Variants in SLCO6A1 observed in about 807,000 individuals in gnomAD.
SLCO6A1 encodes the protein solute carrier organic anion transporter family member 6A1, also known as cancer/testis antigen 48.
SLCO6A1 carries 65 observed loss-of-function variants against 72.7 expected under a neutral mutation model. That is an observed-to-expected ratio of 0.89 (90% CI 0.73 to 1.10). The LOEUF (loss-of-function observed/expected upper bound fraction) is 1.10, where lower values mean the gene tolerates loss of function less well. Among genes scored for constraint, SLCO6A1 ranks in the 50% least tolerant of loss-of-function variants. The probability of loss-of-function intolerance (pLI) is 0.00; values close to 1 mark genes in which losing one functional copy is unlikely to be tolerated. For missense variants in SLCO6A1, 874 were observed against 872.6 expected, an observed-to-expected ratio of 1.00 and a Z score of -0.02; for synonymous variants, 314 against 298.2, an observed-to-expected ratio of 1.05 and a Z score of -0.55.
At position 102,452,376 on chromosome 5, in the gene SLCO6A1, T is replaced by A. The variant is rs563847119; in HGVS notation, c.1131+6006A>T. Among the ~76,000 whole-genome samples, 17 of 152,246 alleles carry A rather than the reference T, an allele frequency of 1.1e-4. 2 individuals are homozygous for A. The South Asian group carries it at 3.3e-3, about 30-fold the overall frequency. On this transcript the variant is annotated intron_variant, in intron 6 of 13. Transcript: ENST00000506729. ...AAACTTTATGTTTTTATTCTTTTTT[T>A]AAATATTTCTAATCCATTTTATTCT...
intron 10 of SLCO6A1, among the ~76,000 whole-genome samples, chr5:102,398,141 T>C (rs986727961): frequency 6.6e-6 from 1 of 152,198 alleles, no homozygotes; most frequent in Non-Finnish European, 1.5e-5. Flanking sequence ...CATAGATTTC[T>C]CCATATTTTG....
At chr5:102,408,913 A>G (rs374747497) in intron 9 of SLCO6A1, among the ~76,000 whole-genome samples, 1 of 152,302 alleles carries the variant, frequency 6.6e-6, no homozygotes, top group East Asian at 1.9e-4. Context: ...ATAATCCTTA[A>G]TCCTTTGGAT....
chr5:102,437,229 C>G (rs1410047918), intron 7 of SLCO6A1, among the ~76,000 whole-genome samples: 2 of 152,156 alleles, frequency 1.3e-5, no homozygotes, highest in African/African-American at 4.8e-5. Context: ...TACTGATCAA[C>G]ATTATTACAG....
chr5:102,456,430 G>A (rs1412010168), intron 6 of SLCO6A1, among the ~76,000 whole-genome samples: 1 of 152,022 alleles, frequency 6.6e-6, no homozygotes, highest in African/African-American at 2.4e-5. Flanking sequence ...AAATCAATGT[G>A]CAAAAATCAC....
At chr5:102,492,689 A>C (rs935248161) in intron 1 of SLCO6A1, among the ~76,000 whole-genome samples, 2 of 152,168 alleles carry the variant, frequency 1.3e-5, no homozygotes, top group African/African-American at 2.4e-5. Context: ...CTCCCACCCT[A>C]ATACTGCGCT....
intron 9 of SLCO6A1, among the ~76,000 whole-genome samples, chr5:102,406,734 G>A (rs1289657531): frequency 6.6e-6 from 1 of 151,994 alleles, no homozygotes; most frequent in Non-Finnish European, 1.5e-5. Flanking sequence ...TTTCACCAGA[G>A]ATTTGTATTC....
intron 7 of SLCO6A1, among the ~76,000 whole-genome samples, chr5:102,430,120 T>C (rs969974740): frequency 2.0e-5 from 3 of 152,190 alleles, no homozygotes; most frequent in African/African-American, 4.8e-5. Context: ...TGTTGGTGTA[T>C]AGAAATATTA....
At chr5:102,452,532 A>G (rs952018514) in intron 6 of SLCO6A1, among the ~76,000 whole-genome samples, 6 of 152,202 alleles carry the variant, frequency 3.9e-5, no homozygotes, top group Non-Finnish European at 7.4e-5. Context: ...AATGTTAAAT[A>G]TTTTGTATTT....
intron 4 of SLCO6A1, among the ~76,000 whole-genome samples, chr5:102,468,438 C>T (rs553865966): frequency 2.2e-4 from 34 of 151,962 alleles, no homozygotes; most frequent in African/African-American, 8.2e-4. Context: ...GTACTGAAGT[C>T]CCCACTATTA....
chr5:102,490,543 G>A (rs528641989), intron 1 of SLCO6A1, among the ~76,000 whole-genome samples: 4 of 152,304 alleles, frequency 2.6e-5, no homozygotes, highest in Admixed American at 2.6e-4. Context: ...TGGTCTCACT[G>A]ACTACAAGAA....
chr5:102,411,558 C>T (rs1747982351), intron 9 of SLCO6A1, among the ~76,000 whole-genome samples: 1 of 151,948 alleles, frequency 6.6e-6, no homozygotes, highest in Non-Finnish European at 1.5e-5. Flanking sequence ...AGCCACTACA[C>T]CTGGCCCCAT....
At chr5:102,449,965 G>A (rs988880052) in intron 6 of SLCO6A1, among the ~76,000 whole-genome samples, 3 of 152,118 alleles carry the variant, frequency 2.0e-5, no homozygotes, top group East Asian at 1.9e-4. Flanking sequence ...CTTGTAGTGC[G>A]TTTTTCAGCT....
intron 1 of SLCO6A1, among the ~76,000 whole-genome samples, chr5:102,486,293 T>A (rs986025812): frequency 3.3e-5 from 5 of 152,138 alleles, no homozygotes; most frequent in Non-Finnish European, 7.4e-5. Context: ...GCTCTCATAG[T>A]TTGTTTAGTT....
chr5:102,380,986 T>G (rs1460597216), intron 12 of SLCO6A1, among the ~76,000 whole-genome samples: 2 of 151,894 alleles, frequency 1.3e-5, no homozygotes, highest in African/African-American at 4.8e-5. Flanking sequence ...GGGTATATAT[T>G]TATAGTATAA....
chr5:102,438,084 G>C lies in SLCO6A1; in HGVS notation c.1276+533C>G, dbSNP rs150041533. Among the ~76,000 whole-genome samples, 315 of 152,086 alleles carry C rather than the reference G, an allele frequency of 2.1e-3. 3 individuals carry two copies. The highest frequency in any genetic ancestry group is 7.2e-3 in the African/African-American group (299 of 41,500). The stretch of plus-strand genomic sequence containing the variant: ...AACAAACCTTTTCATTACTACGCTG[G>C]TTGGAAGAGAGAAAAAGTGGGAGGC... On this transcript the variant is annotated intron_variant, in intron 7 of 13. Coordinates refer to ENST00000506729, the MANE Select transcript of SLCO6A1 (RefSeq NM_173488.5).
chr5:102,459,905 T>G, intron 4 of SLCO6A1, 128 bp from the exon 5 acceptor site: 1 of 713,004 alleles, frequency 1.4e-6, no homozygotes, highest in South Asian at 3.0e-5. Context: ...GAAATGGAAC[T>G]TTTTTTGTTA....
chr5:102,415,229 A>C (rs1437208685), intron 8 of SLCO6A1, among the ~76,000 whole-genome samples: 1 of 152,162 alleles, frequency 6.6e-6, no homozygotes, highest in Non-Finnish European at 1.5e-5. Context: ...TACAAACAAA[A>C]CTAGAAGCCC....
chr5:102,396,575 G>A (rs559596277), intron 10 of SLCO6A1, among the ~76,000 whole-genome samples: 2 of 152,228 alleles, frequency 1.3e-5, no homozygotes, highest in Admixed American at 1.3e-4. Context: ...TACTTGTGGT[G>A]TTGGCTTTCC....
In SLCO6A1 at chr5:102,498,672, A is replaced by G; in HGVS notation, c.173T>C (p.Leu58Ser). The change falls in exon 1 of 14, where the codon TTG (leucine) becomes TCG (serine). Residue 58 changes from leucine to serine, a missense_variant. By Grantham distance (145) the Leu-to-Ser change is moderately radical (BLOSUM62 -2). Transcript: ENST00000506729. The part of the protein sequence containing the change: ...HRYLRLLPEA[L>S]IRFGGFRKRK... ...TTTTCGGAAACCGCCGAACCTTATC[A>G]AGGCCTCTGGAAGTAGTCTCAGATA... 1 of 1,614,172 alleles carries G rather than the reference A, an allele frequency of 6.2e-7. No individual in the cohort carries two copies. Among genetic ancestry groups the G allele is most frequent in the Non-Finnish European group, 8.5e-7 (1 of 1,180,026 alleles).
Sources: gnomAD v4.1 joint callset for allele counts (sites outside exome capture counted in the v4.1 genomes callset) on GRCh38, gnomAD v4.1.1 for gene constraint, MANE v1.5 for transcripts, NCBI Gene and HGNC (gene_info 2026-07-23, HGNC 2026-07-21) for gene names.